The following ATRNL1 variants were observed in gnomAD, a reference collection of about 807,000 sequenced individuals.
ATRNL1 encodes the protein attractin-like protein 1.
Under a neutral mutation model 182.7 loss-of-function variants are expected in ATRNL1, and 95 were observed. The observed-to-expected ratio is 0.52, with a 90% confidence interval of 0.44 to 0.62. ATRNL1 has a LOEUF of 0.62. Among genes scored for constraint, ATRNL1 ranks in the 20% least tolerant of loss-of-function variants. The probability of loss-of-function intolerance (pLI) is 0.00; values close to 1 mark genes in which losing one functional copy is unlikely to be tolerated. For synonymous variants in ATRNL1, 576 were observed against 568.3 expected, an observed-to-expected ratio of 1.01 and a Z score of -0.19; for missense variants, 1,471 against 1,679.5, an observed-to-expected ratio of 0.88 and a Z score of 2.17.
chr10:115,863,494 G>A (rs1212981906), intron 28 of ATRNL1, among the ~76,000 whole-genome samples: 5 of 152,142 alleles, frequency 3.3e-5, no homozygotes, highest in African/African-American at 1.2e-4. Flanking sequence ...TATTTTCTGG[G>A]TAATGAGAGC....
chr10:115,469,470 C>A, intron 24 of ATRNL1, 141 bp downstream of exon 24: 1 of 459,842 alleles, frequency 2.2e-6, no homozygotes. Context: ...AAATAAAGGT[C>A]TGCGAATGTC....
intron 18 of ATRNL1, among the ~76,000 whole-genome samples, chr10:115,325,977 T>C (rs1554933059): frequency 6.6e-6 from 1 of 152,148 alleles, no homozygotes; most frequent in African/African-American, 2.4e-5. Context: ...TTAAATCTTC[T>C]GGTAAGTCTT....
intron 15 of ATRNL1, among the ~76,000 whole-genome samples, chr10:115,292,364 G>A (rs1240423263): frequency 6.6e-6 from 1 of 150,988 alleles, no homozygotes; most frequent in Non-Finnish European, 1.5e-5. Context: ...TAAAGATCAT[G>A]ATTGCCATGA....
At chr10:115,777,741 C>A (rs1243519397) in intron 27 of ATRNL1, among the ~76,000 whole-genome samples, 2 of 152,128 alleles carry the variant, frequency 1.3e-5, no homozygotes, top group African/African-American at 2.4e-5. Context: ...AAGGCCCTCA[C>A]CCACAAAAGG....
chr10:115,663,166 A>T (rs1476097796), intron 26 of ATRNL1, among the ~76,000 whole-genome samples: 1 of 152,078 alleles, frequency 6.6e-6, no homozygotes, highest in East Asian at 1.9e-4. Flanking sequence ...TTTATGCAAT[A>T]CTATGAATTA....
chr10:115,816,565 G>A (rs542091947), intron 27 of ATRNL1, among the ~76,000 whole-genome samples: 43 of 151,992 alleles, frequency 2.8e-4, no homozygotes, highest in African/African-American at 1.0e-3. Flanking sequence ...ACAGAAGGAC[G>A]TGAAGAAGAG....
intron 27 of ATRNL1, among the ~76,000 whole-genome samples, chr10:115,802,101 C>G (rs1949812043): frequency 1.3e-5 from 2 of 151,616 alleles, no homozygotes; most frequent in African/African-American, 2.4e-5. Context: ...CACACACACA[C>G]CTAAATTCTC....
intron 28 of ATRNL1, among the ~76,000 whole-genome samples, chr10:115,918,152 A>G (rs1215054768): frequency 3.6e-3 from 1 of 278 alleles, no homozygotes; most frequent in Non-Finnish European, 9.3e-3. Context: ...CCCAGGCTGG[A>G]GTGTATTACA....
rs1592122522 is a variant in ATRNL1, at chr10:115,117,166, G to A, written c.294-3019G>A. The stretch of plus-strand genomic sequence containing the variant: ...GCATAATCACATCATGGAAGATAGG[G>A]TATTTATCTCAAGCATGTATCCTTT... On this transcript the variant is annotated intron_variant, in intron 1 of 28. Transcript: ENST00000355044. 2.6e-5 allele frequency among the ~76,000 whole-genome samples: 4 copies of A among 151,988 alleles called. No homozygotes were observed. The Middle Eastern group carries it at 0.01, about 388-fold the overall frequency.
At chr10:115,229,949 A>G (rs1849855099) in intron 9 of ATRNL1, among the ~76,000 whole-genome samples, 1 of 152,164 alleles carries the variant, frequency 6.6e-6, no homozygotes, top group Admixed American at 6.6e-5. Context: ...GGACATTACA[A>G]TACCCTAGAA....
At chr10:115,108,974 CTT>C (rs1419215762) in intron 1 of ATRNL1, among the ~76,000 whole-genome samples, 2 of 152,132 alleles carry the variant, frequency 1.3e-5, no homozygotes, top group Admixed American at 1.3e-4. Context: ...TGCAGTATCT[CTT>C]TCCTCCTTTC....
At chr10:115,587,637 C>T (rs1402058812) in intron 26 of ATRNL1, among the ~76,000 whole-genome samples, 1 of 152,002 alleles carries the variant, frequency 6.6e-6, no homozygotes, top group South Asian at 2.1e-4. Flanking sequence ...TGCGTGCACC[C>T]ACTGACCTGC....
At chr10:115,524,825 C>G (rs1220357596) in intron 25 of ATRNL1, among the ~76,000 whole-genome samples, 1 of 152,174 alleles carries the variant, frequency 6.6e-6, no homozygotes, top group African/African-American at 2.4e-5. Context: ...ACCCCATGAA[C>G]ACCCCAACTC....
chr10:115,582,013 C>T (rs547082549), intron 26 of ATRNL1, among the ~76,000 whole-genome samples: 1,526 of 149,968 alleles, frequency 0.01, 15 homozygotes, highest in Non-Finnish European at 0.013. Flanking sequence ...TTTGTTCTTG[C>T]GATAGTTTAC....
chr10:115,328,336 A>G (rs959839441), intron 18 of ATRNL1, among the ~76,000 whole-genome samples: 1 of 152,126 alleles, frequency 6.6e-6, no homozygotes, highest in East Asian at 1.9e-4. Context: ...ACACGGTTCA[A>G]TGCGATGTTT....
chr10:115,178,177 T>C (rs1038816285), intron 8 of ATRNL1, among the ~76,000 whole-genome samples: 2 of 152,228 alleles, frequency 1.3e-5, no homozygotes, highest in Non-Finnish European at 1.5e-5. Context: ...CCCAAAGTGC[T>C]GGGACTACAG....
At chr10:115,351,176 T>G (rs1324610788) in intron 19 of ATRNL1, among the ~76,000 whole-genome samples, 1 of 152,178 alleles carries the variant, frequency 6.6e-6, no homozygotes, top group Non-Finnish European at 1.5e-5. Flanking sequence ...AAGTATAAGA[T>G]CATATCATCT....
intron 19 of ATRNL1, 84 bp from the exon 20 acceptor site, chr10:115,394,575 A>G: frequency 9.5e-7 from 1 of 1,056,144 alleles, no homozygotes; most frequent in Non-Finnish European, 1.5e-6. Flanking sequence ...GGACATAAAA[A>G]TAAGGTAATA....
chr10:115,494,723 G>A (rs949270436), intron 24 of ATRNL1, among the ~76,000 whole-genome samples: 1 of 152,094 alleles, frequency 6.6e-6, no homozygotes, highest in African/African-American at 2.4e-5. Flanking sequence ...TTTTTGATAT[G>A]CTGCTCAATT....
Sources: gnomAD v4.1 joint callset for allele counts (sites outside exome capture counted in the v4.1 genomes callset) on GRCh38, gnomAD v4.1.1 for gene constraint, MANE v1.5 for transcripts, NCBI Gene and HGNC (gene_info 2026-07-23, HGNC 2026-07-21) for gene names.